PCDHA13: variants seen among roughly 807,000 people sequenced by gnomAD.
PCDHA13 encodes the protein protocadherin alpha-13.
In PCDHA13, 54 loss-of-function variants were observed where a neutral mutation model predicts 64.8. The observed-to-expected ratio is 0.83, with a 90% CI of 0.67 to 1.04. PCDHA13 has a LOEUF of 1.04. PCDHA13 is among the 50% of genes least tolerant of loss of function. The pLI, the probability that PCDHA13 is intolerant of heterozygous loss-of-function variation, is 0.00. For synonymous variants in PCDHA13, 587 were observed against 564.4 expected (o/e 1.04, Z -0.57); for missense variants, 1,248 against 1,254.3 (o/e 0.99, Z 0.08).
rs1234453098 is a variant in PCDHA13, at chr5:141,010,058, C to A, written c.*121C>A. 2 of 1,600,982 alleles carry A rather than the reference C, an allele frequency of 1.2e-6. No homozygotes were observed. The highest frequency in any genetic ancestry group is 1.7e-6 in the Non-Finnish European group (2 of 1,173,736). Reference sequence around the variant, plus strand: ...GAGCCCTCTTAGAGACCTCAGAAATCTGCAGAAAGTTCCCTGTGTCTGTCT... The same window carrying A: ...GAGCCCTCTTAGAGACCTCAGAAATATGCAGAAAGTTCCCTGTGTCTGTCT... On this transcript the variant is annotated 3_prime_UTR_variant, in exon 4 of 4. Transcript: ENST00000289272.
At position 141,010,198 on chromosome 5, in the gene PCDHA13, C is replaced by T; in HGVS notation, c.*261C>T. ...AAAGCAGACCCAAGTTTCCTTTCTC[C>T]TCCGCCGCAAAGGAGAGGCTTCCCA... On this transcript the variant is annotated 3_prime_UTR_variant, in exon 4 of 4. Transcript: ENST00000289272. The T allele has an allele frequency of 6.4e-7, 1 of 1,552,138 alleles. No homozygotes were observed. The highest frequency in any genetic ancestry group is 1.4e-5 in the African/African-American group (1 of 73,154).
At chr5:140,923,878 G>A (rs1475731417) in intron 1 of PCDHA13, among the ~76,000 whole-genome samples, 3 of 152,192 alleles carry the variant, frequency 2.0e-5, no homozygotes, top group Non-Finnish European at 4.4e-5. Context: ...TCTGAGAAGC[G>A]TGTGAAAGAG....
intron 1 of PCDHA13, chr5:140,929,773 G>A (rs554286771): frequency 5.8e-6 from 1 of 173,032 alleles, no homozygotes; most frequent in East Asian, 1.8e-4. Context: ...AACCACAAAA[G>A]ATGTAAAAAT....
At position 140,917,315 on chromosome 5, in the gene PCDHA13, T is replaced by C. The variant is rs1015690007; in HGVS notation, c.2394+32653T>C. Among the ~76,000 whole-genome samples, 5 of 128,328 alleles carry C rather than the reference T, an allele frequency of 3.9e-5. No homozygotes were observed. In the East Asian group the frequency reaches 1.3e-3, roughly 32 times the overall value. 84.2% of individuals were successfully genotyped at this position (128,328 alleles called of 152,430 possible). A position where few individuals can be genotyped will look rare whatever the true frequency, so the allele number is the denominator to read the frequency against. On this transcript the variant is annotated intron_variant, in intron 1 of 3. Coordinates refer to ENST00000289272, the MANE Select transcript of PCDHA13 (RefSeq NM_018904.3). Reference sequence around the variant, plus strand: ...TGCAGATAGTTGTTACAATTTGGTGTTCATGTGGCGGGGGAGGGGGGGGAT... The same window carrying C: ...TGCAGATAGTTGTTACAATTTGGTGCTCATGTGGCGGGGGAGGGGGGGGAT...
chr5:140,998,220 C>G (rs1554256199), intron 3 of PCDHA13, among the ~76,000 whole-genome samples: 1 of 152,106 alleles, frequency 6.6e-6, no homozygotes, highest in African/African-American at 2.4e-5. Context: ...ATAACCACAC[C>G]CAGAAATTTG....
At chr5:140,941,202 C>CCTTTCTTCCTTCCTTTCTTTCTTT (rs1394736170) in intron 1 of PCDHA13, among the ~76,000 whole-genome samples, 4 of 122,742 alleles carry the variant, frequency 3.3e-5, no homozygotes, top group African/African-American at 5.9e-5. Context: ...TTTCTTTCTT[C>CCTTTCTTCCTTCCTTTCTTTCTTT]CTTTCTTTCT....
chr5:140,941,748 T>G (rs2093156951), intron 1 of PCDHA13, among the ~76,000 whole-genome samples: 1 of 152,210 alleles, frequency 6.6e-6, no homozygotes, highest in South Asian at 2.1e-4. Flanking sequence ...CTTATCAGAT[T>G]TTCAGTGCTT....
intron 3 of PCDHA13, among the ~76,000 whole-genome samples, chr5:140,991,358 A>G (rs1417256360): frequency 6.6e-6 from 1 of 152,234 alleles, no homozygotes; most frequent in African/African-American, 2.4e-5. Context: ...AAGACTATTT[A>G]CTGTCTGAGT....
chr5:140,902,599 G>T (rs981296505), intron 1 of PCDHA13, among the ~76,000 whole-genome samples: 3 of 152,024 alleles, frequency 2.0e-5, no homozygotes, highest in African/African-American at 7.2e-5. Flanking sequence ...GAAACAGGTC[G>T]TTTTCAGTTA....
In PCDHA13 at chr5:141,011,512, G is replaced by A. The variant is rs561564688; in HGVS notation, c.*1575G>A. On this transcript the variant is annotated 3_prime_UTR_variant, in exon 4 of 4. Coordinates refer to ENST00000289272, the MANE Select transcript of PCDHA13 (RefSeq NM_018904.3). ...TGTACACCTGTGAAAAAGTGGAGTAGTGTTTTTTTAACCATTGTTAATCAG... is the reference window on the plus strand; with the variant it reads ...TGTACACCTGTGAAAAAGTGGAGTAATGTTTTTTTAACCATTGTTAATCAG... 9 of 153,844 alleles carry A rather than the reference G, an allele frequency of 5.9e-5. No homozygotes were observed. Among genetic ancestry groups the A allele is most frequent in the African/African-American group, 2.2e-4 (9 of 41,570 alleles). 9.5% of individuals were successfully genotyped at this position (153,844 alleles called of 1,614,324 possible).
intron 1 of PCDHA13, among the ~76,000 whole-genome samples, chr5:140,962,883 T>C (rs570394633): frequency 5.6e-4 from 86 of 152,222 alleles, no homozygotes; most frequent in Non-Finnish European, 1.0e-3. Flanking sequence ...ATACATGAAT[T>C]AAAAAATGAA....
At chr5:140,967,727 G>C in intron 1 of PCDHA13, 2 of 1,614,148 alleles carry the variant, frequency 1.2e-6, no homozygotes, top group Non-Finnish European at 1.7e-6. Flanking sequence ...GCGAGTAATT[G>C]GGGGGCTGGA....
chr5:140,893,388 CATG>C (rs2063965035), intron 1 of PCDHA13, among the ~76,000 whole-genome samples: 1 of 152,132 alleles, frequency 6.6e-6, no homozygotes, highest in South Asian at 2.1e-4. Context: ...GACAGTGGCT[CATG>C]CCTGTAATCC....
intron 1 of PCDHA13, among the ~76,000 whole-genome samples, chr5:140,897,340 C>A (rs1326802877): frequency 8.1e-6 from 1 of 122,842 alleles, no homozygotes; most frequent in African/African-American, 3.1e-5. Context: ...CCCCTCCCCC[C>A]ACCCCACAAC....
At chr5:140,906,933 G>A (rs1214323970) in intron 1 of PCDHA13, among the ~76,000 whole-genome samples, 2 of 152,158 alleles carry the variant, frequency 1.3e-5, no homozygotes, top group African/African-American at 4.8e-5. Flanking sequence ...GTGTCCCGGT[G>A]TCAATCTTAA....
intron 1 of PCDHA13, chr5:140,966,951 C>T (rs781885198): frequency 6.2e-7 from 1 of 1,603,742 alleles, no homozygotes; most frequent in Non-Finnish European, 8.5e-7. Context: ...GGCAACGTGG[C>T]TCGCGCGCTG....
chr5:140,910,103 T>C (rs1485345908), intron 1 of PCDHA13, among the ~76,000 whole-genome samples: 2 of 152,192 alleles, frequency 1.3e-5, no homozygotes, highest in Admixed American at 6.5e-5. Flanking sequence ...CTCCCCTTCA[T>C]TTAAGGGATT....
intron 1 of PCDHA13, among the ~76,000 whole-genome samples, chr5:140,963,510 G>A (rs536524403): frequency 1.8e-4 from 28 of 152,328 alleles, no homozygotes; most frequent in Non-Finnish European, 2.8e-4. Flanking sequence ...TCTTGAAGGG[G>A]TTCTCATAAC....
At chr5:140,921,967 G>GA (rs2080533534) in intron 1 of PCDHA13, among the ~76,000 whole-genome samples, 1 of 151,284 alleles carries the variant, frequency 6.6e-6, no homozygotes, top group Non-Finnish European at 1.5e-5. Context: ...AAAACCAAAG[G>GA]AAAAAATAGA....
Sources: allele counts gnomAD v4.1 joint callset (sites outside exome capture counted in the v4.1 genomes callset), GRCh38; gene constraint gnomAD v4.1.1; transcripts MANE v1.5; gene names NCBI Gene and HGNC (gene_info 2026-07-23, HGNC 2026-07-21).